The following ARHGEF16 variants were observed in gnomAD, a reference collection of about 807,000 sequenced individuals.
ARHGEF16 encodes Rho guanine nucleotide exchange factor 16, also known as Rho guanine exchange factor (GEF) 16.
ARHGEF16 carries 59 observed loss-of-function variants against 74.1 expected under a neutral mutation model. The observed-to-expected ratio is 0.80, with a 90% CI of 0.65 to 0.99. The LOEUF (loss-of-function observed/expected upper bound fraction) is 0.99, where lower values mean the gene tolerates loss of function less well. Ranked by LOEUF, ARHGEF16 falls within the 50% of genes least tolerant of loss-of-function variation. The pLI, the probability that ARHGEF16 is intolerant of heterozygous loss-of-function variation, is 0.00. For synonymous variants in ARHGEF16, 415 were observed against 412.6 expected (o/e 1.01, Z -0.07); for missense variants, 948 against 986.6 (o/e 0.96, Z 0.52).
chr1:3,462,859 G>A (rs765587734), intron 1 of ARHGEF16, among the ~76,000 whole-genome samples: 18 of 152,194 alleles, frequency 1.2e-4, no homozygotes, highest in Non-Finnish European at 7.4e-5. Flanking sequence ...TCCAGCCTCC[G>A]GCCTCAGACA....
chr1:3,480,753 G>A lies in ARHGEF16; in HGVS notation c.*166G>A. The stretch of plus-strand genomic sequence containing the variant: ...CCGGGCTCCAGACACTTCACGGAAG[G>A]AAGATCACATGTCCCCAGAGAGGCA... On this transcript the variant is annotated 3_prime_UTR_variant, in exon 15 of 15. Coordinates refer to ENST00000378378, the MANE Select transcript of ARHGEF16 (RefSeq NM_014448.4). 1 of 983,982 alleles carries A rather than the reference G, an allele frequency of 1.0e-6. No individual in the cohort carries two copies. Among genetic ancestry groups the A allele is most frequent in the Non-Finnish European group, 1.5e-6 (1 of 688,140 alleles). 61.0% of individuals were successfully genotyped at this position (983,982 alleles called of 1,614,324 possible).
intron 10 of ARHGEF16, among the ~76,000 whole-genome samples, 193 bp downstream of exon 10, chr1:3,476,255 G>A (rs1375261036): frequency 6.6e-6 from 1 of 152,116 alleles, no homozygotes; most frequent in Non-Finnish European, 1.5e-5. Context: ...ATCTGGGAGC[G>A]CCCCTTGTGG....
Position 3,479,818 on chromosome 1 carries a change from C to T in ARHGEF16, c.1895C>T (p.Pro632Leu), listed in dbSNP as rs149281412. 2 of 1,612,058 alleles carry T rather than the reference C, an allele frequency of 1.2e-6. No individual in the cohort carries two copies. Among genetic ancestry groups the T allele is most frequent in the Non-Finnish European group, 1.7e-6 (2 of 1,179,882 alleles). The change falls in exon 14 of 15, where the codon CCC becomes CTC. Residue 632 changes from proline to leucine, a missense_variant. By Grantham distance (98) the Pro-to-Leu change is moderately conservative (BLOSUM62 -3). Coordinates refer to ENST00000378378, the MANE Select transcript of ARHGEF16 (RefSeq NM_014448.4). Reference protein sequence around the residue: ...WQGLSSKGDLPQVEITKAFFA... With the variant: ...WQGLSSKGDLLQVEITKAFFA... ...TGGCCACTGCCCTATGCAGACCTGC[C>T]CCAGGTGGAGATCACCAAGGCCTTC...
chr1:3,471,591 C>A, intron 6 of ARHGEF16: 1 of 1,093,400 alleles, frequency 9.1e-7, no homozygotes, highest in South Asian at 2.1e-5. Flanking sequence ...AGCTCTGCCC[C>A]CAGCCAGGCA....
At position 3,473,381 on chromosome 1, in the gene ARHGEF16, G is replaced by T; in HGVS notation, c.1176-12G>T. 6.3e-7 allele frequency: 1 copy of T among 1,599,810 alleles called. No homozygotes were observed. ...ATGCAGAGCCTGGAAGGACAGCCTT[G>T]TCCTCTTGCAGAAGCAGCAACGCCG... On this transcript the variant is annotated splice_polypyrimidine_tract_variant and intron_variant, in intron 7 of 14. Transcript: ENST00000378378.
rs1303926506 is a variant in ARHGEF16, at chr1:3,473,220, C to A, written c.1165C>A (p.Gln389Lys). The change falls in exon 7 of 15, where the codon CAG (glutamine) becomes AAG (lysine). Residue 389 changes from glutamine to lysine, a missense_variant. Physicochemically the swap from Gln to Lys is moderately conservative, Grantham distance 53. Coordinates refer to ENST00000378378, the MANE Select transcript of ARHGEF16 (RefSeq NM_014448.4). ...SNEVYQQRTLQKLISSNAAFR... is the reference protein window; with the variant it reads ...SNEVYQQRTLKKLISSNAAFR... ...CGAGGTCTACCAACAGCGCACGCTGCAGAAGCTGATGTGAGTGGGCGGCCC... is the reference window on the plus strand; with the variant it reads ...CGAGGTCTACCAACAGCGCACGCTGAAGAAGCTGATGTGAGTGGGCGGCCC... The A allele has an allele frequency of 1.2e-6, 2 of 1,613,008 alleles. No homozygotes were observed. Among genetic ancestry groups the A allele is most frequent in the Non-Finnish European group, 1.7e-6 (2 of 1,179,832 alleles).
At chr1:3,474,526 G>A in intron 8 of ARHGEF16, 182 bp from the exon 9 acceptor site, 1 of 600,520 alleles carries the variant, frequency 1.7e-6, no homozygotes, top group Non-Finnish European at 3.0e-6. Context: ...GGCCTGACCT[G>A]GCAGAGCTCC....
At position 3,466,791 on chromosome 1, in the gene ARHGEF16, G is replaced by A. The variant is rs143822523; in HGVS notation, c.635-377G>A. On this transcript the variant is annotated intron_variant, in intron 3 of 14. Coordinates refer to ENST00000378378, the MANE Select transcript of ARHGEF16 (RefSeq NM_014448.4). ...AGGCCTGAGGCTCCAAGACACAATG[G>A]CCCCTTCCAGCCCCCAGAAGCTTTG... Among the ~76,000 whole-genome samples, 557 of 152,296 alleles carry A rather than the reference G, an allele frequency of 3.7e-3. 3 individuals are homozygous for A. The highest frequency in any genetic ancestry group is 0.011 in the African/African-American group (478 of 41,566).
intron 1 of ARHGEF16, among the ~76,000 whole-genome samples, chr1:3,460,370 T>C (rs1639363993): frequency 6.6e-6 from 1 of 152,092 alleles, no homozygotes; most frequent in Non-Finnish European, 1.5e-5. Flanking sequence ...TCTGGCCCCA[T>C]TAGGAAGGAG....
At chr1:3,478,191 G>T in intron 11 of ARHGEF16, 165 bp downstream of exon 11, 2 of 1,068,466 alleles carry the variant, frequency 1.9e-6, no homozygotes, top group South Asian at 3.1e-5. Context: ...GGGGCAGGTG[G>T]CGCTCGCTGT....
chr1:3,470,553 ATG>A (rs1639681269), intron 6 of ARHGEF16, among the ~76,000 whole-genome samples: 1 of 103,848 alleles, frequency 9.6e-6, no homozygotes, highest in Non-Finnish European at 2.0e-5. Flanking sequence ...GGTCAGGGTT[ATG>A]TGTGAGTGGG....
chr1:3,457,720 C>T (rs1639297860), intron 1 of ARHGEF16, among the ~76,000 whole-genome samples: 1 of 152,216 alleles, frequency 6.6e-6, no homozygotes, highest in African/African-American at 2.4e-5. Flanking sequence ...ACAGATTCCA[C>T]CTGCTTGGAC....
At chr1:3,468,012 G>A (rs550439381) in intron 4 of ARHGEF16, among the ~76,000 whole-genome samples, 6 of 152,270 alleles carry the variant, frequency 3.9e-5, no homozygotes, top group Non-Finnish European at 7.4e-5. Context: ...ATGGTGCTGC[G>A]TACCCTGGGA....
In ARHGEF16 at chr1:3,479,637, G is replaced by C. The variant is rs370359487; in HGVS notation, c.1888+47G>C. ...CAGGGCTGGCCCTCTGCCGTGGCTG[G>C]CACTTTGGCCCCCACTGTAGCCCAA... On this transcript the variant is annotated intron_variant, in intron 13 of 14. Transcript: ENST00000378378. The C allele has an allele frequency of 2.3e-5, 36 of 1,595,160 alleles. No homozygotes were observed. In the East Asian group the frequency reaches 3.2e-4, roughly 14 times the overall value.
rs1339124057 is a variant in ARHGEF16 at position 3,463,096 on chromosome 1, G to A, written c.12G>A (p.Arg4=). The part of the protein sequence containing the change: MAQ[R]HSDSSLEEKL... ...CACAGCCGCCCAGCATGGCCCAGCG[G>A]CACTCAGACAGCTCCTTGGAGGAGA... The change falls in exon 2 of 15, where the codon CGG becomes CGA. Residue 4 remains arginine, a synonymous_variant. Coordinates refer to ENST00000378378, the MANE Select transcript of ARHGEF16 (RefSeq NM_014448.4). 1.4e-6 allele frequency: 2 copies of A among 1,455,750 alleles called. No homozygotes were observed. Among genetic ancestry groups the A allele is most frequent in the East Asian group, 2.5e-5 (1 of 39,938 alleles). 90.2% of individuals were successfully genotyped at this position (1,455,750 alleles called of 1,614,324 possible).
At chr1:3,471,048 G>A (rs955844045) in intron 6 of ARHGEF16, among the ~76,000 whole-genome samples, 1 of 148,056 alleles carries the variant, frequency 6.8e-6, no homozygotes, top group African/African-American at 2.5e-5. Context: ...GGGCAGGGAT[G>A]TGTGTGTGCA....
intron 1 of ARHGEF16, among the ~76,000 whole-genome samples, chr1:3,459,619 C>A (rs187742313): frequency 6.6e-6 from 1 of 152,046 alleles, no homozygotes; most frequent in African/African-American, 2.4e-5. Flanking sequence ...AGAGGGAGGA[C>A]GGGGGGTGTC....
At chr1:3,472,731 T>A in intron 6 of ARHGEF16, 15 of 199,154 alleles carry the variant, frequency 7.5e-5, no homozygotes, top group East Asian at 2.6e-4. Flanking sequence ...GGGCACCAAC[T>A]GGACAGGGCA....
chr1:3,471,698 C>A, intron 6 of ARHGEF16: 1 of 1,239,114 alleles, frequency 8.1e-7, no homozygotes, highest in Non-Finnish European at 1.0e-6. Context: ...GATTGCTGCC[C>A]TGGGGCGGGA....
Sources: gnomAD v4.1 joint callset for allele counts (sites outside exome capture counted in the v4.1 genomes callset) on GRCh38, gnomAD v4.1.1 for gene constraint, MANE v1.5 for transcripts, NCBI Gene and HGNC (gene_info 2026-07-23, HGNC 2026-07-21) for gene names.